Variants in COLGALT2 observed in about 807,000 individuals in gnomAD.
COLGALT2 encodes the protein procollagen galactosyltransferase 2.
A neutral mutation model predicts 73.4 loss-of-function variants in COLGALT2; 49 were observed. The observed-to-expected ratio is 0.67, with a 90% CI of 0.53 to 0.85. COLGALT2 has a LOEUF of 0.85. COLGALT2 is among the 40% of genes least tolerant of loss of function. The pLI is 0.00. For missense variants in COLGALT2, 722 were observed against 790.2 expected (o/e 0.91, Z 1.03); for synonymous variants, 295 against 307.6 (o/e 0.96, Z 0.43).
intron 1 of COLGALT2, among the ~76,000 whole-genome samples, chr1:184,023,501 G>A (rs1649236313): frequency 6.6e-6 from 1 of 152,178 alleles, no homozygotes; most frequent in South Asian, 2.1e-4. Flanking sequence ...CCTCCAAAGT[G>A]CAAATGCAGG....
chr1:183,991,088 C>T (rs942999551), intron 1 of COLGALT2, among the ~76,000 whole-genome samples: 1 of 152,276 alleles, frequency 6.6e-6, no homozygotes, highest in Middle Eastern at 3.4e-3. Context: ...GCCACATAGT[C>T]TGGGTTTTCT....
chr1:183,936,246 C>T lies in COLGALT2; in HGVS notation c.*2515G>A. On this transcript the variant is annotated 3_prime_UTR_variant, in exon 12 of 12. Transcript: ENST00000361927. ...AAAGGTCAAATGTCTTGGCTTAGGA[C>T]TATAAGGGAGAGATAGGACAAATAA... The T allele has an allele frequency of 2.0e-6, 2 of 985,572 alleles. No individual in the cohort carries two copies. Among genetic ancestry groups the T allele is most frequent in the Non-Finnish European group, 2.4e-6 (2 of 829,948 alleles). 61.1% of individuals were successfully genotyped at this position (985,572 alleles called of 1,614,324 possible).
At chr1:183,970,819 T>C (rs1671018351) in intron 4 of COLGALT2, among the ~76,000 whole-genome samples, 1 of 152,252 alleles carries the variant, frequency 6.6e-6, no homozygotes, top group African/African-American at 2.4e-5. Flanking sequence ...ATCATTACTA[T>C]AATGTTTTTA....
chr1:183,930,421 TCTCA>T, intron 11 of COLGALT2: 1 of 387,094 alleles, frequency 2.6e-6, no homozygotes, highest in Non-Finnish European at 5.1e-6. Flanking sequence ...TTGGACAGGG[TCTCA>T]CTCTGTCACC....
intron 1 of COLGALT2, among the ~76,000 whole-genome samples, chr1:184,010,002 A>T (rs532738942): frequency 6.6e-6 from 1 of 152,274 alleles, no homozygotes; most frequent in African/African-American, 2.4e-5. Flanking sequence ...AGATTCCTGG[A>T]GGTACCAATG....
chr1:183,939,003 G>A lies in COLGALT2; in HGVS notation c.1639C>T (p.Leu547=). The A allele has an allele frequency of 1.9e-6, 3 of 1,614,094 alleles. No homozygotes were observed. The highest frequency in any genetic ancestry group is 2.5e-6 in the Non-Finnish European group (3 of 1,179,990). Residue 547 remains leucine (L), a synonymous_variant, in exon 12 of 12, where the codon CTG becomes TTG. Coordinates refer to ENST00000361927, the MANE Select transcript of COLGALT2 (RefSeq NM_015101.4). ...EYKEYYESRD[L]KAFSAEPLLI... is the part of the protein sequence containing the mutation. ...AAGGGTTCTGCAGAGAAGGCTTTCAGGTCCCTGGATTCATAATACTCCTTG... is the reference window on the plus strand; with the variant it reads ...AAGGGTTCTGCAGAGAAGGCTTTCAAGTCCCTGGATTCATAATACTCCTTG...
chr1:183,948,781 T>C (rs1670315569), intron 8 of COLGALT2, among the ~76,000 whole-genome samples: 1 of 152,106 alleles, frequency 6.6e-6, no homozygotes, highest in African/African-American at 2.4e-5. Flanking sequence ...TATAACACTA[T>C]CTCTACTTGC....
chr1:183,978,377 A>G (rs1424564533), intron 2 of COLGALT2, 33 bp downstream of exon 2: 1 of 1,193,030 alleles, frequency 8.4e-7, no homozygotes. Context: ...AAGGGTAAAT[A>G]ATGAGTTTAC....
rs1007438765 is a variant in COLGALT2, at chr1:183,936,920, G to A, written c.*1841C>T. On this transcript the variant is annotated 3_prime_UTR_variant, in exon 12 of 12. Coordinates refer to ENST00000361927, the MANE Select transcript of COLGALT2 (RefSeq NM_015101.4). Reference sequence around the variant, plus strand: ...TCTGGTGGAAGGCAAGCTGCCTCTTGTCCTAAAGTGGGGACCCGCCCCTCA... The same window carrying A: ...TCTGGTGGAAGGCAAGCTGCCTCTTATCCTAAAGTGGGGACCCGCCCCTCA... 1.7e-5 allele frequency: 21 copies of A among 1,231,674 alleles called. No individual in the cohort carries two copies. Among genetic ancestry groups the A allele is most frequent in the Non-Finnish European group, 2.1e-5 (21 of 988,030 alleles). 76.3% of individuals were successfully genotyped at this position (1,231,674 alleles called of 1,614,324 possible).
At chr1:183,960,902 C>T (rs1572639867) in intron 6 of COLGALT2, among the ~76,000 whole-genome samples, 1 of 152,290 alleles carries the variant, frequency 6.6e-6, no homozygotes, top group East Asian at 1.9e-4. Context: ...TCAGTATAGT[C>T]TAACAACACT....
intron 3 of COLGALT2, among the ~76,000 whole-genome samples, chr1:183,973,958 C>T (rs1053677073): frequency 2.6e-5 from 4 of 152,034 alleles, no homozygotes; most frequent in African/African-American, 4.8e-5. Flanking sequence ...TTGGGCTCTG[C>T]ATAAGGCACT....
At chr1:184,007,616 T>C (rs531623233) in intron 1 of COLGALT2, among the ~76,000 whole-genome samples, 1 of 152,310 alleles carries the variant, frequency 6.6e-6, no homozygotes, top group African/African-American at 2.4e-5. Context: ...GCCCTCCTAA[T>C]ATGTTCCTTC....
chr1:184,000,799 A>G (rs1431131192), intron 1 of COLGALT2, among the ~76,000 whole-genome samples: 1 of 151,412 alleles, frequency 6.6e-6, no homozygotes, highest in South Asian at 2.1e-4. Context: ...GTACAATTCT[A>G]AGAGGACAGT....
chr1:184,014,001 T>C (rs1313056617), intron 1 of COLGALT2, among the ~76,000 whole-genome samples: 1 of 151,978 alleles, frequency 6.6e-6, no homozygotes, highest in Non-Finnish European at 1.5e-5. Flanking sequence ...AATGAGAAAG[T>C]GGAGAGATCA....
intron 1 of COLGALT2, among the ~76,000 whole-genome samples, chr1:184,001,851 T>C (rs552403924): frequency 9.2e-5 from 14 of 152,368 alleles, no homozygotes; most frequent in Admixed American, 9.1e-4. Context: ...ATAGTCATTA[T>C]AATCTGCAGG....
chr1:184,036,559 C>T (rs1649683805), intron 1 of COLGALT2, among the ~76,000 whole-genome samples: 1 of 152,194 alleles, frequency 6.6e-6, no homozygotes, highest in Non-Finnish European at 1.5e-5. Flanking sequence ...GCTAGGAGCA[C>T]ATTTCCAGCC....
chr1:183,997,582 CA>C (rs1473369005), intron 1 of COLGALT2, among the ~76,000 whole-genome samples: 1 of 152,146 alleles, frequency 6.6e-6, no homozygotes, highest in African/African-American at 2.4e-5. Flanking sequence ...AAAAAAATTG[CA>C]AAAACAACCT....
At chr1:183,952,231 T>C (rs1670420010) in intron 7 of COLGALT2, among the ~76,000 whole-genome samples, 2 of 152,190 alleles carry the variant, frequency 1.3e-5, no homozygotes, top group African/African-American at 2.4e-5. Context: ...AATGTTAAAC[T>C]AGTGACTTTA....
intron 1 of COLGALT2, among the ~76,000 whole-genome samples, chr1:184,020,630 T>C (rs1262174708): frequency 6.6e-6 from 1 of 152,210 alleles, no homozygotes; most frequent in Non-Finnish European, 1.5e-5. Flanking sequence ...CGTACTCTCC[T>C]ATCAGAGCTC....
Sources: gnomAD v4.1 joint callset for allele counts (sites outside exome capture counted in the v4.1 genomes callset) on GRCh38, gnomAD v4.1.1 for gene constraint, MANE v1.5 for transcripts, NCBI Gene and HGNC (gene_info 2026-07-23, HGNC 2026-07-21) for gene names.